The following RPIA variants were observed in gnomAD, a reference collection of about 807,000 sequenced individuals.
The protein encoded by RPIA is ribose 5-phosphate isomerase A.
Under a neutral mutation model 37.8 loss-of-function variants are expected in RPIA, and 29 were observed. The ratio of observed to expected loss-of-function variants is 0.77; its 90% CI spans 0.57 to 1.05. The LOEUF (loss-of-function observed/expected upper bound fraction) is 1.05. Ranked by LOEUF, RPIA falls within the 50% of genes least tolerant of loss-of-function variation. RPIA has a pLI of 0.00. For missense variants in RPIA, 385 were observed against 413.6 expected (o/e 0.93, Z 0.60); for synonymous variants, 167 against 157.0 (o/e 1.06, Z -0.48).
intron 3 of RPIA, among the ~76,000 whole-genome samples, chr2:88,707,735 C>T (rs1313727142): frequency 6.6e-6 from 1 of 152,192 alleles, no homozygotes; most frequent in African/African-American, 2.4e-5. Flanking sequence ...ACATAAGCTG[C>T]AGCTAAATGT....
chr2:88,734,717 C>A, intron 5 of RPIA, 101 bp downstream of exon 5: 2 of 1,249,962 alleles, frequency 1.6e-6, no homozygotes, highest in Non-Finnish European at 1.2e-6. Flanking sequence ...GTGACATATG[C>A]AAGTTTGTCT....
At position 88,738,108 on chromosome 2, in the gene RPIA, A is replaced by T; in HGVS notation, c.838+32A>T. On this transcript the variant is annotated intron_variant, in intron 8 of 8. Coordinates refer to ENST00000283646, the MANE Select transcript of RPIA (RefSeq NM_144563.3). Reference sequence around the variant, plus strand: ...TGAGTGGTGTTCACCAGTCATATACACACCCATGGCCTTCATAACTGGCCC... The same window carrying T: ...TGAGTGGTGTTCACCAGTCATATACTCACCCATGGCCTTCATAACTGGCCC... 2 of 1,490,772 alleles carry T rather than the reference A, an allele frequency of 1.3e-6. 1 individual carries two copies. Among genetic ancestry groups the T allele is most frequent in the African/African-American group, 2.8e-5 (2 of 72,586 alleles). The allele number at this position is 1,490,772 out of a possible 1,614,324, so 92.3% of individuals were successfully genotyped here.
intron 3 of RPIA, among the ~76,000 whole-genome samples, chr2:88,721,184 G>C (rs564821223): frequency 6.6e-6 from 1 of 152,082 alleles, no homozygotes; most frequent in African/African-American, 2.4e-5. Flanking sequence ...ATGGATACAG[G>C]GAGGGGAACA....
intron 5 of RPIA, 133 bp from the exon 6 acceptor site, chr2:88,735,536 C>A (rs1196825264): frequency 2.5e-6 from 2 of 813,774 alleles, no homozygotes; most frequent in Non-Finnish European, 4.3e-6. Context: ...CTGGGGATGT[C>A]CCTTTAAAAA....
At chr2:88,700,986 A>C (rs1672823339) in intron 3 of RPIA, among the ~76,000 whole-genome samples, 2 of 152,132 alleles carry the variant, frequency 1.3e-5, no homozygotes, top group South Asian at 2.1e-4. Context: ...TGGGTTTCTT[A>C]GGAAACCCTC....
intron 3 of RPIA, among the ~76,000 whole-genome samples, chr2:88,721,802 A>G (rs1487126463): frequency 1.3e-5 from 2 of 150,690 alleles, no homozygotes; most frequent in African/African-American, 4.8e-5. Flanking sequence ...TATTTATTTA[A>G]AAACATAATT....
intron 3 of RPIA, among the ~76,000 whole-genome samples, chr2:88,725,927 T>C (rs1673191544): frequency 6.6e-6 from 1 of 152,140 alleles, no homozygotes. Context: ...CTTGAAGTCA[T>C]TGTACAGGGG....
chr2:88,719,591 A>T (rs1276156307), intron 3 of RPIA, among the ~76,000 whole-genome samples: 1 of 152,188 alleles, frequency 6.6e-6, no homozygotes, highest in African/African-American at 2.4e-5. Flanking sequence ...AGGTCATTGT[A>T]AAATAAGTCA....
intron 1 of RPIA, among the ~76,000 whole-genome samples, chr2:88,692,449 C>T (rs938005037): frequency 3.3e-5 from 5 of 152,168 alleles, no homozygotes; most frequent in Admixed American, 2.0e-4. Context: ...TGGTGCGCGC[C>T]GGCCCCTGAG....
At chr2:88,692,124 C>T (rs926636685) in intron 1 of RPIA, 141 bp downstream of exon 1, 5 of 1,098,326 alleles carry the variant, frequency 4.6e-6, no homozygotes, top group African/African-American at 3.1e-5. Context: ...GTGCACTTTA[C>T]CCGAGTTTAG....
intron 8 of RPIA, among the ~76,000 whole-genome samples, chr2:88,746,521 T>C (rs1459852677): frequency 2.0e-5 from 3 of 152,196 alleles, no homozygotes; most frequent in Non-Finnish European, 2.9e-5. Context: ...CTGCAGTGGT[T>C]ATGCCCTTCT....
intron 1 of RPIA, among the ~76,000 whole-genome samples, chr2:88,694,955 A>G (rs1277351144): frequency 2.7e-5 from 4 of 150,546 alleles, no homozygotes; most frequent in African/African-American, 9.9e-5. Flanking sequence ...TCCAAGAGCC[A>G]ATCATACCTA....
At chr2:88,727,334 G>A (rs1673211853) in intron 3 of RPIA, among the ~76,000 whole-genome samples, 1 of 152,180 alleles carries the variant, frequency 6.6e-6, no homozygotes, top group South Asian at 2.1e-4. Context: ...CCCTCTTTGA[G>A]GCCACTTTCC....
chr2:88,734,610 G>A lies in RPIA; in HGVS notation c.521G>A (p.Gly174Asp). ...GATGCTGATCTCAATCTCATCAAGG[G>A]TGGCGGGTGAGTGTTGTGGGGGCTT... ...EVDADLNLIKGGGGCLTQEKI... is the reference protein window; with the variant it reads ...EVDADLNLIKDGGGCLTQEKI... The change falls in exon 5 of 9, where the codon GGT becomes GAT. Residue 174 changes from glycine to aspartate, a missense_variant. Physicochemically the swap from Gly to Asp is moderately conservative, Grantham distance 94. This residue lies in a region of RPIA where 153 missense variants were observed against 210.6 expected (regional missense o/e 0.73). Transcript: ENST00000283646. The A allele has an allele frequency of 6.2e-7, 1 of 1,614,202 alleles. No homozygotes were observed. The highest frequency in any genetic ancestry group is 8.5e-7 in the Non-Finnish European group (1 of 1,180,032).
At chr2:88,733,053 G>A (rs1237405696) in intron 4 of RPIA, among the ~76,000 whole-genome samples, 1 of 152,236 alleles carries the variant, frequency 6.6e-6, no homozygotes, top group Non-Finnish European at 1.5e-5. Flanking sequence ...ATCAGAATTT[G>A]AACTCAGGCA....
chr2:88,694,313 G>A (rs1190079049), intron 1 of RPIA, among the ~76,000 whole-genome samples: 1 of 152,204 alleles, frequency 6.6e-6, no homozygotes, highest in African/African-American at 2.4e-5. Flanking sequence ...GCAATTCCTG[G>A]TCTCTTTCAA....
intron 3 of RPIA, among the ~76,000 whole-genome samples, chr2:88,719,138 A>G (rs1306449491): frequency 1.3e-5 from 2 of 152,164 alleles, no homozygotes; most frequent in South Asian, 2.1e-4. Context: ...TTATAAAGCC[A>G]CCTTCTAAAG....
At chr2:88,720,449 G>A (rs1673105998) in intron 3 of RPIA, among the ~76,000 whole-genome samples, 1 of 151,542 alleles carries the variant, frequency 6.6e-6, no homozygotes, top group Non-Finnish European at 1.5e-5. Flanking sequence ...GGAACTTGAG[G>A]GGAAAAAAAC....
chr2:88,716,263 C>T (rs1052662892), intron 3 of RPIA, among the ~76,000 whole-genome samples: 3 of 152,152 alleles, frequency 2.0e-5, no homozygotes, highest in African/African-American at 4.8e-5. Flanking sequence ...TCAAGTTGTC[C>T]TGCCTTATCA....
Sources: gnomAD v4.1 joint callset for allele counts (sites outside exome capture counted in the v4.1 genomes callset) on GRCh38, gnomAD v4.1.1 for gene constraint, gnomAD v4.1.1 regional missense constraint, MANE v1.5 for transcripts, NCBI Gene and HGNC (gene_info 2026-07-23, HGNC 2026-07-21) for gene names.